DIP2C: variants seen among roughly 807,000 people sequenced by gnomAD.
DIP2C encodes disco-interacting protein 2 homolog C.
Under a neutral mutation model 192.4 loss-of-function variants are expected in DIP2C, and 33 were observed. The observed-to-expected ratio is 0.17, with a 90% CI of 0.13 to 0.23. The LOEUF (loss-of-function observed/expected upper bound fraction) is 0.23. Among genes scored for constraint, DIP2C ranks in the 10% least tolerant of loss-of-function variants. The pLI is 1.00. For synonymous variants in DIP2C, 979 were observed against 864.1 expected, an observed-to-expected ratio of 1.13 and a Z score of -2.33; for missense variants, 1,537 against 2,110.1, an observed-to-expected ratio of 0.73 and a Z score of 5.32.
At chr10:338,995 G>A (rs1407080226) in intron 29 of DIP2C, among the ~76,000 whole-genome samples, 2 of 151,328 alleles carry the variant, frequency 1.3e-5, no homozygotes, top group Non-Finnish European at 3.0e-5. Flanking sequence ...ACCCCTCTGT[G>A]GACTCCCCTC....
At chr10:613,416 A>G (rs1039393470) in intron 1 of DIP2C, among the ~76,000 whole-genome samples, 1 of 152,174 alleles carries the variant, frequency 6.6e-6, no homozygotes, top group African/African-American at 2.4e-5. Context: ...CAGGCCCGGG[A>G]GGAACTGCAG....
chr10:384,664 G>C, intron 14 of DIP2C, 25 bp from the exon 15 acceptor site: 1 of 1,611,722 alleles, frequency 6.2e-7, no homozygotes. Context: ...GGAACACGCA[G>C]GGTGAGCATG....
intron 4 of DIP2C, among the ~76,000 whole-genome samples, chr10:439,362 C>CA (rs1175397078): frequency 6.6e-6 from 1 of 152,154 alleles, no homozygotes; most frequent in Non-Finnish European, 1.5e-5. Flanking sequence ...GCACGGCGTT[C>CA]ACTCTCTTGC....
chr10:583,341 T>A (rs188759554), intron 1 of DIP2C, among the ~76,000 whole-genome samples: 129 of 152,350 alleles, frequency 8.5e-4, no homozygotes, highest in Middle Eastern at 3.4e-3. Flanking sequence ...AACATTTTTT[T>A]AAAAAGTTTA....
chr10:687,185 A>G (rs1831368390), intron 1 of DIP2C, among the ~76,000 whole-genome samples: 1 of 152,240 alleles, frequency 6.6e-6, no homozygotes, highest in East Asian at 1.9e-4. Context: ...GTCCAATAAC[A>G]TAAAGAAACA....
intron 1 of DIP2C, among the ~76,000 whole-genome samples, chr10:543,324 C>T (rs1236828602): frequency 2.0e-5 from 3 of 152,230 alleles, no homozygotes; most frequent in African/African-American, 4.8e-5. Context: ...GTAGCGAGAA[C>T]GTACACAGAC....
At chr10:326,885 G>T in intron 31 of DIP2C, 121 bp downstream of exon 31, 2 of 1,242,384 alleles carry the variant, frequency 1.6e-6, no homozygotes, top group Non-Finnish European at 1.1e-6. Context: ...GCGTGTGACT[G>T]AAAGATCTCT....
chr10:548,208 ACC>A lies in DIP2C; in HGVS notation c.86-61680_86-61679del, dbSNP rs33930610. Among the ~76,000 whole-genome samples the A allele has an allele frequency of 1.5e-4, 9 of 58,254 alleles. 1 individual carries two copies. The highest frequency in any genetic ancestry group is 5.7e-4 in the African/African-American group (9 of 15,816). The allele number at this position is 58,254 out of a possible 152,430, so 38.2% of individuals were successfully genotyped here. A position where few individuals can be genotyped will look rare whatever the true frequency, so the allele number is the denominator to read the frequency against. On this transcript the variant is annotated intron_variant, in intron 1 of 36. Coordinates refer to ENST00000280886, the MANE Select transcript of DIP2C (RefSeq NM_014974.3). ...AGTCCAATTCACACGAGTCTGCCCCACCCCCCCCCCCACAGGAAAGCCCTGGT... is the reference window on the plus strand; with the variant it reads ...AGTCCAATTCACACGAGTCTGCCCCACCCCCCCCCACAGGAAAGCCCTGGT...
intron 1 of DIP2C, among the ~76,000 whole-genome samples, chr10:560,974 A>ACT (rs200101432): frequency 9.6e-4 from 145 of 151,750 alleles, no homozygotes; most frequent in African/African-American, 3.1e-3. Context: ...TAATCGTACA[A>ACT]CTCTCTCAAC....
intron 1 of DIP2C, among the ~76,000 whole-genome samples, chr10:546,979 A>G (rs1378025880): frequency 6.6e-6 from 1 of 152,210 alleles, no homozygotes; most frequent in African/African-American, 2.4e-5. Context: ...CTATCTCTTA[A>G]GTGGCAGAGT....
intron 1 of DIP2C, among the ~76,000 whole-genome samples, chr10:565,824 G>T (rs1240289525): frequency 2.0e-5 from 3 of 152,218 alleles, no homozygotes; most frequent in Non-Finnish European, 4.4e-5. Flanking sequence ...CCTTCTCCGA[G>T]GTATGTAACA....
At chr10:662,437 T>C (rs574983088) in intron 1 of DIP2C, among the ~76,000 whole-genome samples, 13 of 152,320 alleles carry the variant, frequency 8.5e-5, no homozygotes, top group African/African-American at 3.1e-4. Context: ...TGACCAGCCC[T>C]ATTGGCGCAC....
intron 13 of DIP2C, among the ~76,000 whole-genome samples, chr10:389,103 G>T (rs1455054897): frequency 6.9e-6 from 1 of 145,490 alleles, no homozygotes; most frequent in African/African-American, 2.7e-5. Context: ...GTTCTCTGAG[G>T]TCTCAAGGGG....
chr10:577,750 G>A (rs535855464), intron 1 of DIP2C, among the ~76,000 whole-genome samples: 1 of 152,000 alleles, frequency 6.6e-6, no homozygotes, highest in Admixed American at 6.6e-5. Context: ...AGAAATGTAA[G>A]GCAACCTAGT....
intron 36 of DIP2C, among the ~76,000 whole-genome samples, chr10:280,239 G>C (rs1391062284): frequency 6.6e-6 from 1 of 152,174 alleles, no homozygotes; most frequent in Non-Finnish European, 1.5e-5. Flanking sequence ...GTAAGTACCA[G>C]CCTTTATTGC....
chr10:679,539 C>A (rs1831047243), intron 1 of DIP2C, among the ~76,000 whole-genome samples: 1 of 105,564 alleles, frequency 9.5e-6, no homozygotes, highest in African/African-American at 3.5e-5. Flanking sequence ...CACGCCCATG[C>A]TCCCCGCACC....
At chr10:438,520 T>TC (rs1412731499) in intron 4 of DIP2C, among the ~76,000 whole-genome samples, 3 of 152,092 alleles carry the variant, frequency 2.0e-5, no homozygotes, top group African/African-American at 4.8e-5. Flanking sequence ...GATAGGGTCT[T>TC]CCTCTGTTGC....
chr10:547,899 G>A (rs954335022), intron 1 of DIP2C, among the ~76,000 whole-genome samples: 10 of 151,956 alleles, frequency 6.6e-5, no homozygotes, highest in Admixed American at 3.3e-4. Context: ...CACCCCACCC[G>A]CAGCTGCTGA....
At chr10:413,889 G>A in intron 8 of DIP2C, 24 bp downstream of exon 8, 1 of 1,607,946 alleles carries the variant, frequency 6.2e-7, no homozygotes, top group Non-Finnish European at 8.5e-7. Flanking sequence ...TGGGCAAAGG[G>A]CAGAGAGTGA....
Sources: gnomAD v4.1 joint callset for allele counts (sites outside exome capture counted in the v4.1 genomes callset) on GRCh38, gnomAD v4.1.1 for gene constraint, MANE v1.5 for transcripts, NCBI Gene and HGNC (gene_info 2026-07-23, HGNC 2026-07-21) for gene names.